ORC4: variants seen among roughly 807,000 people sequenced by gnomAD.
ORC4 encodes origin recognition complex, subunit 4 homolog.
ORC4 carries 55 observed loss-of-function variants against 63.9 expected under a neutral mutation model. The ratio of observed to expected loss-of-function variants is 0.86; its 90% confidence interval spans 0.69 to 1.08. ORC4 has a LOEUF of 1.08. Among genes scored for constraint, ORC4 ranks in the 50% least tolerant of loss-of-function variants. ORC4 has a pLI of 0.00. For synonymous variants in ORC4, 150 were observed against 168.5 expected, an observed-to-expected ratio of 0.89 and a Z score of 0.85; for missense variants, 511 against 504.4, an observed-to-expected ratio of 1.01 and a Z score of -0.13.
Position 147,933,367 on chromosome 2 carries a change from A to G in ORC4, c.*2143T>C, listed in dbSNP as rs1470715821. ...AGCATTTTTGTATGAGGGAATATGG[A>G]AAGGCCAACAAGCAGCACTGTTCCT... On this transcript the variant is annotated 3_prime_UTR_variant, in exon 14 of 14. Transcript: ENST00000392857. 3 of 152,132 alleles carry G rather than the reference A, an allele frequency of 2.0e-5. No homozygotes were observed. Among genetic ancestry groups the G allele is most frequent in the Admixed American group, 2.0e-4 (3 of 15,238 alleles). 9.4% of individuals were successfully genotyped at this position (152,132 alleles called of 1,614,324 possible).
Position 147,931,738 on chromosome 2 carries a change from C to T in ORC4, c.*3772G>A, listed in dbSNP as rs1454176049. On this transcript the variant is annotated 3_prime_UTR_variant, in exon 14 of 14. Coordinates refer to ENST00000392857, the MANE Select transcript of ORC4 (RefSeq NM_181741.4). ...TTATCTCAATAGATGCAGAAAAAGCCTTTGACAAAATTCAACAACCCTTCA... is the reference window on the plus strand; with the variant it reads ...TTATCTCAATAGATGCAGAAAAAGCTTTTGACAAAATTCAACAACCCTTCA... The T allele has an allele frequency of 6.6e-6, 1 of 152,002 alleles. No individual in the cohort carries two copies. Among genetic ancestry groups the T allele is most frequent in the Non-Finnish European group, 1.5e-5 (1 of 68,034 alleles). 9.4% of individuals were successfully genotyped at this position (152,002 alleles called of 1,614,324 possible).
At position 147,943,426 on chromosome 2, in the gene ORC4, T is replaced by G; in HGVS notation, c.849+10A>C. ...AAAGCAACAAGCAATAAAACAAAAC[T>G]AATACAAACCAATAGCATGTGTAAT... On this transcript the variant is annotated intron_variant, in intron 10 of 13. Coordinates refer to ENST00000392857, the MANE Select transcript of ORC4 (RefSeq NM_181741.4). The G allele has an allele frequency of 1.9e-6, 3 of 1,555,056 alleles. No individual in the cohort carries two copies. Among genetic ancestry groups the G allele is most frequent in the Non-Finnish European group, 2.7e-6 (3 of 1,127,284 alleles).
At chr2:147,948,293 T>A in intron 8 of ORC4, 69 bp from the exon 9 acceptor site, 1 of 1,004,852 alleles carries the variant, frequency 1.0e-6, no homozygotes, top group Non-Finnish European at 1.5e-6. Flanking sequence ...ACTGTACCAA[T>A]GTTAGAGGTA....
At chr2:147,973,086 G>A (rs1690316628) in intron 3 of ORC4, among the ~76,000 whole-genome samples, 1 of 152,080 alleles carries the variant, frequency 6.6e-6, no homozygotes, top group South Asian at 2.1e-4. Context: ...TAGGGGACAA[G>A]GGACAATAGT....
At chr2:147,990,140 AACTTC>A (rs1319675740) in intron 1 of ORC4, among the ~76,000 whole-genome samples, 2 of 152,236 alleles carry the variant, frequency 1.3e-5, no homozygotes, top group Non-Finnish European at 2.9e-5. Context: ...CCTAGGACCT[AACTTC>A]ACACGGCTGA....
At chr2:147,984,533 G>C (rs899399500) in intron 1 of ORC4, among the ~76,000 whole-genome samples, 2 of 152,032 alleles carry the variant, frequency 1.3e-5, no homozygotes, top group Admixed American at 6.6e-5. Flanking sequence ...TGGTAGGGAG[G>C]GGGTGTTTCG....
At chr2:147,950,605 A>T (rs1688897975) in intron 8 of ORC4, among the ~76,000 whole-genome samples, 1 of 152,032 alleles carries the variant, frequency 6.6e-6, no homozygotes. Context: ...TCTCTACTAA[A>T]CATACAAAAA....
intron 6 of ORC4, among the ~76,000 whole-genome samples, chr2:147,955,722 A>C (rs1226506745): frequency 6.6e-6 from 1 of 152,036 alleles, no homozygotes; most frequent in African/African-American, 2.4e-5. Flanking sequence ...AATTTATTTG[A>C]AGGTAGTTTT....
At position 147,938,409 on chromosome 2, in the gene ORC4, A is replaced by G. The variant is rs1333775193; in HGVS notation, c.959-16T>C. 6 of 1,378,596 alleles carry G rather than the reference A, an allele frequency of 4.4e-6. No individual in the cohort carries two copies. The highest frequency in any genetic ancestry group is 6.2e-6 in the Non-Finnish European group (6 of 967,128). The allele number at this position is 1,378,596 out of a possible 1,614,324, so 85.4% of individuals were successfully genotyped here. ...ACTGATAGACCTACAGTAAAAGGGA[A>G]AAAAAACTATCAGTTTAATGACATA... On this transcript the variant is annotated splice_polypyrimidine_tract_variant and intron_variant, in intron 11 of 13. Transcript: ENST00000392857.
Position 147,943,534 on chromosome 2 carries a change from A to G in ORC4, c.763-12T>C. On this transcript the variant is annotated splice_polypyrimidine_tract_variant and intron_variant, in intron 9 of 13. Transcript: ENST00000392857. Reference sequence around the variant, plus strand: ...TCTTCTGAGAGATACTAAAAGGAAAAAAAAAAAAAAAGCCAAAATTGAGGA... The same window carrying G: ...TCTTCTGAGAGATACTAAAAGGAAAGAAAAAAAAAAAGCCAAAATTGAGGA... 6.9e-7 allele frequency: 1 copy of G among 1,456,700 alleles called. No homozygotes were observed. Among genetic ancestry groups the G allele is most frequent in the South Asian group, 1.2e-5 (1 of 84,656 alleles). 90.2% of individuals were successfully genotyped at this position (1,456,700 alleles called of 1,614,324 possible). A position where few individuals can be genotyped will look rare whatever the true frequency, so the allele number is the denominator to read the frequency against.
Position 147,958,436 on chromosome 2 carries a change from T to A in ORC4, c.302-53A>T, listed in dbSNP as rs1573787645. The stretch of plus-strand genomic sequence containing the variant: ...TAATTAAAATTAAACATGTATTTGA[T>A]ACAGCAGGTTGTTTTCCAGTTAAGT... On this transcript the variant is annotated intron_variant, in intron 5 of 13. Transcript: ENST00000392857. The A allele has an allele frequency of 1.3e-5, 17 of 1,310,824 alleles. No individual in the cohort carries two copies. In the East Asian group the frequency reaches 4.1e-4, roughly 32 times the overall value. The allele number at this position is 1,310,824 out of a possible 1,614,324, so 81.2% of individuals were successfully genotyped here.
intron 7 of ORC4, among the ~76,000 whole-genome samples, chr2:147,953,347 A>AGTTTGTTT (rs1230585117): frequency 4.6e-5 from 7 of 152,102 alleles, no homozygotes; most frequent in Non-Finnish European, 1.0e-4. Context: ...ACTCTAGTAG[A>AGTTTGTTT]GTTTGTTGTT....
chr2:147,968,877 C>A (rs1178249022), intron 4 of ORC4, among the ~76,000 whole-genome samples: 1 of 151,718 alleles, frequency 6.6e-6, no homozygotes, highest in Non-Finnish European at 1.5e-5. Context: ...TATGGATCAA[C>A]CTAGTTGTCC....
intron 1 of ORC4, chr2:147,982,011 T>A (rs1243914970): frequency 6.6e-6 from 1 of 152,198 alleles, no homozygotes; most frequent in Admixed American, 6.5e-5. Context: ...CAAGCAAATC[T>A]GTGTCCTCCT....
intron 10 of ORC4, among the ~76,000 whole-genome samples, chr2:147,942,974 T>C (rs1688450575): frequency 6.6e-6 from 1 of 152,110 alleles, no homozygotes; most frequent in Admixed American, 6.6e-5. Flanking sequence ...ATGTGGGAAA[T>C]GTAATGAATA....
intron 11 of ORC4, 77 bp downstream of exon 11, chr2:147,939,063 G>GT: frequency 5.6e-6 from 5 of 888,978 alleles, no homozygotes; most frequent in Non-Finnish European, 9.5e-6. Flanking sequence ...CACGTTAATT[G>GT]TAATTTTAAA....
At chr2:147,993,013 A>G in intron 1 of ORC4, among the ~76,000 whole-genome samples, 1 of 152,216 alleles carries the variant, frequency 6.6e-6, no homozygotes. Flanking sequence ...GTGCTGTTCC[A>G]TACCCGGAAG....
intron 4 of ORC4, among the ~76,000 whole-genome samples, chr2:147,968,300 A>C: frequency 6.6e-6 from 1 of 152,150 alleles, no homozygotes; most frequent in South Asian, 2.1e-4. Flanking sequence ...ATCTGCTAAC[A>C]TCAAACTCAA....
intron 1 of ORC4, among the ~76,000 whole-genome samples, chr2:148,019,535 T>C (rs781446815): frequency 1.3e-4 from 20 of 152,186 alleles, no homozygotes; most frequent in Non-Finnish European, 2.6e-4. Flanking sequence ...GAGGTTGCAG[T>C]GAGCCGAGAT....
Sources: gnomAD v4.1 joint callset for allele counts (sites outside exome capture counted in the v4.1 genomes callset) on GRCh38, gnomAD v4.1.1 for gene constraint, MANE v1.5 for transcripts, NCBI Gene and HGNC (gene_info 2026-07-23, HGNC 2026-07-21) for gene names.